Variants in ERO1B observed in about 807,000 individuals in gnomAD.
ERO1B encodes the protein endoplasmic reticulum oxidoreductase 1 beta, also known as ERO1-like protein beta.
In ERO1B, 49 loss-of-function variants were observed where a neutral mutation model predicts 75.3. The ratio of observed to expected loss-of-function variants is 0.65; its 90% CI spans 0.52 to 0.83. ERO1B has a LOEUF of 0.83. ERO1B is among the 40% of genes least tolerant of loss of function. ERO1B has a pLI of 0.00. For missense variants in ERO1B, 512 were observed against 560.1 expected, an observed-to-expected ratio of 0.91 and a Z score of 0.87; for synonymous variants, 191 against 192.9, an observed-to-expected ratio of 0.99 and a Z score of 0.08.
At chr1:236,225,223 T>G in intron 12 of ERO1B, 84 bp from the exon 13 acceptor site, 1 of 1,267,228 alleles carries the variant, frequency 7.9e-7, no homozygotes, top group South Asian at 1.3e-5. Flanking sequence ...TTTTCTATCC[T>G]TATGAATATT....
At chr1:236,245,735 G>A (rs2102952657) in intron 5 of ERO1B, among the ~76,000 whole-genome samples, 1 of 147,588 alleles carries the variant, frequency 6.8e-6, no homozygotes, top group Non-Finnish European at 1.5e-5. Flanking sequence ...ACAGGCGTCT[G>A]CCACCACGCC....
At chr1:236,277,342 T>G (rs1665731018) in intron 1 of ERO1B, among the ~76,000 whole-genome samples, 1 of 151,020 alleles carries the variant, frequency 6.6e-6, no homozygotes, top group Non-Finnish European at 1.5e-5. Flanking sequence ...AGACAGAGGT[T>G]GCAGTGAACT....
chr1:236,280,280 C>T (rs1163595688), intron 1 of ERO1B, among the ~76,000 whole-genome samples: 1 of 152,114 alleles, frequency 6.6e-6, no homozygotes, highest in African/African-American at 2.4e-5. Flanking sequence ...AGAAAAATAT[C>T]GAATTGTAAA....
chr1:236,218,613 C>T, intron 15 of ERO1B, 37 bp from the exon 16 acceptor site: 1 of 1,304,030 alleles, frequency 7.7e-7, no homozygotes, highest in South Asian at 2.2e-5. Flanking sequence ...GTAAGGCTAA[C>T]ATGTTGCATA....
At chr1:236,281,590 G>GCCCGGCCCTGCCCGGCCCTC (rs1378396343) in intron 1 of ERO1B, 92 bp downstream of exon 1, 4 of 990,828 alleles carry the variant, frequency 4.0e-6, no homozygotes, top group Non-Finnish European at 4.0e-6. Flanking sequence ...GCCCGGCCCT[G>GCCCGGCCCTGCCCGGCCCTC]CCCGGCCCTC....
chr1:236,220,918 T>C lies in ERO1B; in HGVS notation c.1257A>G (p.Glu419=). 1 of 1,603,910 alleles carries C rather than the reference T, an allele frequency of 6.2e-7. No individual in the cohort carries two copies. The highest frequency in any genetic ancestry group is 1.1e-5 in the South Asian group (1 of 88,280). ...TALKILFSEK[E]IQKLPENSPS... ...GACTATTCTCTGGAAGCTTTTGGATTTCTTTTTCAGAGAATAATATCTTCA... is the reference window on the plus strand; with the variant it reads ...GACTATTCTCTGGAAGCTTTTGGATCTCTTTTTCAGAGAATAATATCTTCA... The change falls in exon 15 of 16, where the codon GAA becomes GAG. Residue 419 remains glutamate, a synonymous_variant. Coordinates refer to ENST00000354619, the MANE Select transcript of ERO1B (RefSeq NM_019891.4).
intron 8 of ERO1B, among the ~76,000 whole-genome samples, chr1:236,234,823 C>G (rs1664497924): frequency 6.6e-6 from 1 of 152,148 alleles, no homozygotes; most frequent in African/African-American, 2.4e-5. Flanking sequence ...AGAGTTGCTC[C>G]CAGGGTTTGG....
At chr1:236,237,212 C>T (rs1664567502) in intron 6 of ERO1B, among the ~76,000 whole-genome samples, 3 of 151,398 alleles carry the variant, frequency 2.0e-5, no homozygotes, top group Non-Finnish European at 4.4e-5. Context: ...CTCCGCCTCC[C>T]AGGTTCAAGC....
At position 236,279,089 on chromosome 1, in the gene ERO1B, C is replaced by T. The variant is rs896269017; in HGVS notation, c.102+2593G>A. Reference sequence around the variant, plus strand: ...GACCAGAAAGGGTTCCACATTAGGGCTCCACTGTAAAGTCACTCATTCAAT... The same window carrying T: ...GACCAGAAAGGGTTCCACATTAGGGTTCCACTGTAAAGTCACTCATTCAAT... On this transcript the variant is annotated intron_variant, in intron 1 of 15. Coordinates refer to ENST00000354619, the MANE Select transcript of ERO1B (RefSeq NM_019891.4). Among the ~76,000 whole-genome samples the T allele has an allele frequency of 5.3e-5, 8 of 152,316 alleles. 1 individual carries two copies. The highest frequency in any genetic ancestry group is 2.1e-4 in the South Asian group (1 of 4,826).
chr1:236,229,422 C>CAA (rs199715484), intron 10 of ERO1B, among the ~76,000 whole-genome samples: 11 of 112,368 alleles, frequency 9.8e-5, no homozygotes, highest in Admixed American at 7.4e-4. Flanking sequence ...GACTCTGACT[C>CAA]AAAAAAAAAA....
At chr1:236,234,104 T>C (rs909071823) in intron 8 of ERO1B, among the ~76,000 whole-genome samples, 2 of 152,240 alleles carry the variant, frequency 1.3e-5, no homozygotes, top group South Asian at 2.1e-4. Context: ...TCAATGGAGA[T>C]AGCAGGTAAA....
At chr1:236,231,430 G>T (rs1267083150) in intron 9 of ERO1B, among the ~76,000 whole-genome samples, 2 of 149,166 alleles carry the variant, frequency 1.3e-5, no homozygotes, top group African/African-American at 4.9e-5. Context: ...CAAAAAAATG[G>T]TATGTGAGCT....
chr1:236,222,160 A>C (rs1664164313), intron 13 of ERO1B, 150 bp from the exon 14 acceptor site: 2 of 662,954 alleles, frequency 3.0e-6, no homozygotes, highest in African/African-American at 3.6e-5. Context: ...CCCAGGCTGG[A>C]GTGCAGTGGT....
chr1:236,238,732 T>C (rs1313736711), intron 6 of ERO1B, among the ~76,000 whole-genome samples: 1 of 151,804 alleles, frequency 6.6e-6, no homozygotes, highest in Non-Finnish European at 1.5e-5. Flanking sequence ...TATATATTTA[T>C]AAATAATTTG....
At chr1:236,232,008 T>C (rs1572036088) in intron 9 of ERO1B, among the ~76,000 whole-genome samples, 1 of 152,218 alleles carries the variant, frequency 6.6e-6, no homozygotes, top group African/African-American at 2.4e-5. Flanking sequence ...AGCTGCATGC[T>C]GTTTCCTCCA....
chr1:236,225,930 G>C (rs1291260829), intron 12 of ERO1B, among the ~76,000 whole-genome samples: 1 of 152,114 alleles, frequency 6.6e-6, no homozygotes, highest in African/African-American at 2.4e-5. Context: ...GCAAGCCTCT[G>C]TCTCAAAAAT....
intron 5 of ERO1B, among the ~76,000 whole-genome samples, chr1:236,244,887 A>AC (rs1236653674): frequency 6.6e-6 from 1 of 152,198 alleles, no homozygotes; most frequent in Admixed American, 6.6e-5. Flanking sequence ...TTAACTCAGC[A>AC]CTTCCTTTCA....
chr1:236,276,300 A>G (rs1323674311), intron 1 of ERO1B, among the ~76,000 whole-genome samples: 5 of 152,246 alleles, frequency 3.3e-5, no homozygotes. Context: ...ACTAACACTG[A>G]GAGTCCACTG....
chr1:236,221,517 G>A (rs2252057), intron 14 of ERO1B, among the ~76,000 whole-genome samples: 71,393 of 152,018 alleles, frequency 0.47, 17,490 homozygotes, highest in East Asian at 0.88. Context: ...GAGCTTTCCT[G>A]TTTTGACTAA....
Sources: allele counts gnomAD v4.1 joint callset (sites outside exome capture counted in the v4.1 genomes callset), GRCh38; gene constraint gnomAD v4.1.1; transcripts MANE v1.5; gene names NCBI Gene and HGNC (gene_info 2026-07-23, HGNC 2026-07-21).